PRR16: variants seen among roughly 807,000 people sequenced by gnomAD.
PRR16 encodes the protein proline rich 16, also known as protein Largen.
In PRR16, 6 loss-of-function variants were observed where a neutral mutation model predicts 18.2. That is an observed-to-expected ratio of 0.33 (90% CI 0.18 to 0.65). PRR16 has a LOEUF of 0.65. PRR16 is among the 30% of genes least tolerant of loss of function. The pLI is 0.74. For missense variants in PRR16, 412 were observed against 376.6 expected (o/e 1.09, Z -0.78); for synonymous variants, 151 against 147.8 (o/e 1.02, Z -0.16).
At chr5:120,552,275 A>G (rs1752277628) in intron 1 of PRR16, among the ~76,000 whole-genome samples, 1 of 151,878 alleles carries the variant, frequency 6.6e-6, no homozygotes, top group Non-Finnish European at 1.5e-5. Flanking sequence ...CAGGCTCATT[A>G]TATTGCCTCC....
the PRR16 span, among the ~76,000 whole-genome samples, chr5:120,740,908 A>G: frequency 1.3e-5 from 2 of 151,954 alleles, no homozygotes; most frequent in Non-Finnish European, 2.9e-5. Flanking sequence ...TTAACTTTAC[A>G]TTTTACTTTC....
At chr5:120,638,138 A>T (rs886252289) in intron 1 of PRR16, among the ~76,000 whole-genome samples, 2 of 152,118 alleles carry the variant, frequency 1.3e-5, no homozygotes, top group Non-Finnish European at 2.9e-5. Flanking sequence ...TTTGTTCATG[A>T]AACAAAGCTT....
intron 1 of PRR16, among the ~76,000 whole-genome samples, chr5:120,475,053 C>G (rs902963971): frequency 2.0e-5 from 3 of 152,186 alleles, no homozygotes; most frequent in African/African-American, 7.2e-5. Context: ...GATGATGATA[C>G]AGATGACTGA....
chr5:120,495,653 T>C (rs1257631955), intron 1 of PRR16, among the ~76,000 whole-genome samples: 3 of 152,112 alleles, frequency 2.0e-5, no homozygotes, highest in African/African-American at 4.8e-5. Context: ...TTAATTTTGG[T>C]ATCTATCTGC....
rs1755960686 is a variant in PRR16, at chr5:120,655,945, C to T, written c.160-30009C>T. 3.3e-5 allele frequency among the ~76,000 whole-genome samples: 5 copies of T among 151,930 alleles called. No homozygotes were observed. In the South Asian group the frequency reaches 1.0e-3, roughly 31 times the overall value. On this transcript the variant is annotated intron_variant, in intron 1 of 1. Transcript: ENST00000407149. ...CAGAAGATCCCTTGAATCACTATCA[C>T]TGTCCAGGAACCCCAGCCAGTTACT...
the PRR16 span, among the ~76,000 whole-genome samples, chr5:120,695,314 G>T: frequency 3.6e-4 from 54 of 152,108 alleles, no homozygotes; most frequent in Non-Finnish European, 6.6e-4. Context: ...AGTTATTAGA[G>T]AATTAATATT....
chr5:120,776,065 G>A, the PRR16 span, among the ~76,000 whole-genome samples: 1 of 152,048 alleles, frequency 6.6e-6, no homozygotes, highest in Non-Finnish European at 1.5e-5. Flanking sequence ...TATAAATGCA[G>A]GTCTAAGCTC....
chr5:120,596,696 C>T (rs2112783616), intron 1 of PRR16, among the ~76,000 whole-genome samples: 1 of 151,834 alleles, frequency 6.6e-6, no homozygotes, highest in South Asian at 2.1e-4. Flanking sequence ...CAGCTCTTCT[C>T]TTCGTTCTCC....
At chr5:120,705,544 GT>G in the PRR16 span, among the ~76,000 whole-genome samples, 1 of 152,012 alleles carries the variant, frequency 6.6e-6, no homozygotes, top group East Asian at 1.9e-4. Flanking sequence ...TGTTCATTAT[GT>G]TTTTTCTTTA....
the PRR16 span, among the ~76,000 whole-genome samples, chr5:120,692,662 T>C: frequency 2.6e-5 from 4 of 152,206 alleles, no homozygotes; most frequent in African/African-American, 7.2e-5. Flanking sequence ...TTTGAATAAT[T>C]TGAATATTTT....
chr5:120,587,065 T>A (rs946185352), intron 1 of PRR16, among the ~76,000 whole-genome samples: 31 of 152,206 alleles, frequency 2.0e-4, no homozygotes, highest in African/African-American at 7.2e-4. Context: ...CGATTAAACA[T>A]TTCCTTAAGC....
the PRR16 span, among the ~76,000 whole-genome samples, chr5:120,754,422 A>G: frequency 2.8e-4 from 28 of 99,168 alleles, 3 homozygotes; most frequent in South Asian, 5.8e-3. Context: ...ACTATATATT[A>G]TATAATATAT....
intron 1 of PRR16, among the ~76,000 whole-genome samples, chr5:120,543,224 A>G (rs1751970975): frequency 6.6e-6 from 1 of 152,130 alleles, no homozygotes; most frequent in Non-Finnish European, 1.5e-5. Flanking sequence ...AAATTTTTGT[A>G]AAATACGTCA....
intron 1 of PRR16, among the ~76,000 whole-genome samples, chr5:120,676,389 T>C (rs1331334730): frequency 1.3e-5 from 2 of 152,022 alleles, no homozygotes; most frequent in African/African-American, 2.4e-5. Context: ...CGGGGCCCCG[T>C]TCCTGAATTT....
At chr5:120,665,436 T>C (rs909762535) in intron 1 of PRR16, among the ~76,000 whole-genome samples, 34 of 152,102 alleles carry the variant, frequency 2.2e-4, no homozygotes, top group African/African-American at 8.0e-4. Context: ...TAGTTTCTTT[T>C]GCTGTGCAGA....
chr5:120,667,043 C>T (rs1242470702), intron 1 of PRR16, among the ~76,000 whole-genome samples: 5 of 151,380 alleles, frequency 3.3e-5, no homozygotes, highest in Non-Finnish European at 7.4e-5. Flanking sequence ...GGTACCAGCT[C>T]CTCCTTGTAC....
intron 1 of PRR16, among the ~76,000 whole-genome samples, chr5:120,483,686 T>C (rs975150068): frequency 1.3e-5 from 2 of 152,132 alleles, no homozygotes; most frequent in African/African-American, 4.8e-5. Flanking sequence ...TAGCCTATAG[T>C]AAATTCACAA....
chr5:120,735,689 G>T, the PRR16 span, among the ~76,000 whole-genome samples: 1 of 125,054 alleles, frequency 8.0e-6, no homozygotes, highest in East Asian at 2.4e-4. Flanking sequence ...TTATTGTTGA[G>T]TTATAGTTCT....
intron 1 of PRR16, among the ~76,000 whole-genome samples, chr5:120,629,962 G>C (rs1022668346): frequency 3.3e-5 from 5 of 151,892 alleles, no homozygotes; most frequent in African/African-American, 1.2e-4. Context: ...TTGTTTTCAA[G>C]ATCTTTTATT....
Sources: gnomAD v4.1 joint callset for allele counts (sites outside exome capture counted in the v4.1 genomes callset) on GRCh38, gnomAD v4.1.1 for gene constraint, MANE v1.5 for transcripts, NCBI Gene and HGNC (gene_info 2026-07-23, HGNC 2026-07-21) for gene names.